Variants in PREX2 observed in about 807,000 individuals in gnomAD.
PREX2 encodes the protein phosphatidylinositol-3,4,5-trisphosphate dependent Rac exchange factor 2.
PREX2 carries 107 observed loss-of-function variants against 203.2 expected under a neutral mutation model. The observed-to-expected ratio is 0.53, with a 90% CI of 0.45 to 0.62. The LOEUF is 0.62. PREX2 is among the 20% of genes least tolerant of loss of function. The pLI, the probability that PREX2 is intolerant of heterozygous loss-of-function variation, is 0.00. For missense variants in PREX2, 1,777 were observed against 1,955.9 expected, an observed-to-expected ratio of 0.91 and a Z score of 1.72; for synonymous variants, 672 against 663.6, an observed-to-expected ratio of 1.01 and a Z score of -0.19.
chr8:68,148,304 G>C (rs918579534), intron 34 of PREX2, among the ~76,000 whole-genome samples: 10 of 152,196 alleles, frequency 6.6e-5, no homozygotes, highest in Non-Finnish European at 1.0e-4. Context: ...GAGAAGATAG[G>C]GATGGACGTT....
In PREX2 at chr8:68,149,353, A is replaced by T. The variant is rs760611545; in HGVS notation, c.4231+3001A>T. On this transcript the variant is annotated intron_variant, in intron 34 of 39. Coordinates refer to ENST00000288368, the MANE Select transcript of PREX2 (RefSeq NM_024870.4). ...TATTGCTGAAGGCAAGAACTGCGGA[A>T]GAACAGGAACCTAGGCAGACAAAAG... is the stretch of plus-strand genomic sequence containing the variant. Among the ~76,000 whole-genome samples, 4 of 152,230 alleles carry T rather than the reference A, an allele frequency of 2.6e-5. No homozygotes were observed. In the South Asian group the frequency reaches 8.3e-4, roughly 31 times the overall value.
intron 14 of PREX2, among the ~76,000 whole-genome samples, chr8:68,073,029 T>C (rs1274057445): frequency 6.6e-6 from 1 of 151,892 alleles, no homozygotes; most frequent in Non-Finnish European, 1.5e-5. Context: ...GAAAGGAATT[T>C]ATTGTTGTTA....
rs1176619631 is a variant in PREX2, at chr8:68,052,743, A to G, written c.944-354A>G. Among the ~76,000 whole-genome samples the G allele has an allele frequency of 2.0e-5, 3 of 152,202 alleles. No individual in the cohort carries two copies. The East Asian group carries it at 5.8e-4, about 29-fold the overall frequency. ...ATTAGAAAGATAAAATAAATAAGAC[A>G]TCTTGAATGTTTGAGAAGAAAACAC... On this transcript the variant is annotated intron_variant, in intron 8 of 39. Coordinates refer to ENST00000288368, the MANE Select transcript of PREX2 (RefSeq NM_024870.4).
Position 68,090,676 on chromosome 8 carries a change from A to G in PREX2, c.2211A>G (p.Ala737=), listed in dbSNP as rs745671669. 19 of 1,613,926 alleles carry G rather than the reference A, an allele frequency of 1.2e-5. No individual in the cohort carries two copies. In the South Asian group the frequency reaches 1.4e-4, roughly 12 times the overall value. ...AAGAGACACATGCCAGTGTCATTGC[A>G]CACGTTACAGCCTGCAGGAAGTACA... The part of the protein sequence containing the change: ...VSKETHASVI[A]HVTACRKYRR... Residue 737 remains alanine, a synonymous_variant, in exon 20 of 40, where the codon GCA becomes GCG. Transcript: ENST00000288368.
At chr8:68,196,760 G>A (rs778053772) in intron 37 of PREX2, among the ~76,000 whole-genome samples, 4 of 151,418 alleles carry the variant, frequency 2.6e-5, no homozygotes, top group Non-Finnish European at 4.4e-5. Flanking sequence ...TGCTCCAGCC[G>A]TGTAAGAGGC....
chr8:68,010,981 A>G (rs1807241211), intron 1 of PREX2, among the ~76,000 whole-genome samples: 4 of 152,226 alleles, frequency 2.6e-5, no homozygotes, highest in African/African-American at 9.6e-5. Context: ...TGAATACACC[A>G]ATAAGAATTT....
At position 68,200,601 on chromosome 8, in the gene PREX2, ATT is replaced by A. The variant is rs202008829; in HGVS notation, c.4604+8077_4604+8078del. On this transcript the variant is annotated intron_variant, in intron 37 of 39. Coordinates refer to ENST00000288368, the MANE Select transcript of PREX2 (RefSeq NM_024870.4). The stretch of plus-strand genomic sequence containing the variant: ...GGTGGTCATATTTGCATGTGATATC[ATT>A]GTCTCTTTTTTTTTTGCTTGATTAA... Among the ~76,000 whole-genome samples the A allele has an allele frequency of 9.0e-4, 127 of 141,370 alleles. 1 individual carries two copies. The East Asian group carries it at 0.037, about 41-fold the overall frequency. 92.7% of individuals were successfully genotyped at this position (141,370 alleles called of 152,430 possible).
At chr8:68,191,837 C>A (rs1321262638) in intron 36 of PREX2, 49 bp downstream of exon 36, 1 of 1,261,814 alleles carries the variant, frequency 7.9e-7, no homozygotes, top group Non-Finnish European at 1.1e-6. Context: ...TTAAATATCT[C>A]CCTTTTTAAT....
intron 30 of PREX2, among the ~76,000 whole-genome samples, chr8:68,122,593 G>A (rs1810798926): frequency 6.6e-6 from 1 of 152,064 alleles, no homozygotes; most frequent in African/African-American, 2.4e-5. Context: ...TCATCTTTGA[G>A]ATTTTATATT....
intron 22 of PREX2, among the ~76,000 whole-genome samples, chr8:68,099,288 T>C (rs1472852365): frequency 6.6e-6 from 1 of 152,118 alleles, no homozygotes; most frequent in Non-Finnish European, 1.5e-5. Flanking sequence ...TTTATGTTTT[T>C]TTGTTCTACC....
intron 33 of PREX2, among the ~76,000 whole-genome samples, chr8:68,145,724 G>A (rs1272329581): frequency 2.0e-5 from 3 of 152,010 alleles, no homozygotes; most frequent in Non-Finnish European, 2.9e-5. Context: ...TGACTGTGGG[G>A]CATCAACAAA....
chr8:68,114,127 G>A (rs537084451), intron 25 of PREX2, among the ~76,000 whole-genome samples: 28 of 152,264 alleles, frequency 1.8e-4, no homozygotes, highest in African/African-American at 6.0e-4. Context: ...CTCCCAAAGC[G>A]CTGGGATTAC....
intron 32 of PREX2, 123 bp downstream of exon 32, chr8:68,134,399 C>T: frequency 1.4e-6 from 1 of 711,964 alleles, no homozygotes; most frequent in Non-Finnish European, 2.3e-6. Context: ...GTGCATTCAG[C>T]TACTTTAAAA....
intron 39 of PREX2, among the ~76,000 whole-genome samples, chr8:68,229,098 A>G (rs1813116887): frequency 1.3e-5 from 2 of 152,242 alleles, no homozygotes; most frequent in South Asian, 4.1e-4. Flanking sequence ...ACCTTGAAAG[A>G]GGCGTTTACT....
At chr8:68,007,470 G>C (rs555870920) in intron 1 of PREX2, among the ~76,000 whole-genome samples, 3 of 152,276 alleles carry the variant, frequency 2.0e-5, no homozygotes, top group African/African-American at 7.2e-5. Context: ...AAAATAGAAT[G>C]GTTCTCCTTT....
intron 1 of PREX2, among the ~76,000 whole-genome samples, chr8:67,993,657 C>G (rs1053078652): frequency 2.6e-5 from 4 of 152,134 alleles, no homozygotes; most frequent in East Asian, 1.9e-4. Context: ...ATCTACCTGC[C>G]TCGGCCTCCC....
intron 30 of PREX2, among the ~76,000 whole-genome samples, chr8:68,122,617 A>AT (rs1810799574): frequency 6.6e-6 from 1 of 152,050 alleles, no homozygotes. Flanking sequence ...TTTAAGGTAA[A>AT]TGCATATTGG....
chr8:68,036,107 T>C (rs1329124677), intron 6 of PREX2, among the ~76,000 whole-genome samples: 1 of 152,148 alleles, frequency 6.6e-6, no homozygotes, highest in African/African-American at 2.4e-5. Flanking sequence ...ATGCCTTAGA[T>C]AGAATAGGTC....
At chr8:68,023,480 G>C (rs1807627410) in intron 4 of PREX2, among the ~76,000 whole-genome samples, 1 of 152,034 alleles carries the variant, frequency 6.6e-6, no homozygotes, top group Non-Finnish European at 1.5e-5. Context: ...GATGTTTATT[G>C]TATATTGAGC....
Sources: gnomAD v4.1 joint callset for allele counts (sites outside exome capture counted in the v4.1 genomes callset) on GRCh38, gnomAD v4.1.1 for gene constraint, MANE v1.5 for transcripts, NCBI Gene and HGNC (gene_info 2026-07-23, HGNC 2026-07-21) for gene names.